The following PLAU variants were observed in gnomAD, a reference collection of about 807,000 sequenced individuals.
PLAU encodes the protein urokinase-type plasminogen activator.
Under a neutral mutation model 48.9 loss-of-function variants are expected in PLAU, and 32 were observed. The observed-to-expected ratio is 0.65, with a 90% confidence interval of 0.49 to 0.88. PLAU has a LOEUF of 0.88. PLAU is among the 40% of genes least tolerant of loss of function. The pLI is 0.00. For synonymous variants in PLAU, 199 were observed against 205.7 expected (o/e 0.97, Z 0.28); for missense variants, 455 against 545.2 (o/e 0.83, Z 1.65).
chr10:73,912,367 G>T, intron 4 of PLAU, 45 bp downstream of exon 4: 1 of 1,337,824 alleles, frequency 7.5e-7, no homozygotes, highest in South Asian at 1.2e-5. Flanking sequence ...TTGGGGACAG[G>T]GAGGGATGGG....
Position 73,915,362 on chromosome 10 carries a change from G to C in PLAU, c.1082G>C (p.Cys361Ser). Residue 361 changes from cysteine to serine, a missense_variant, in exon 10 of 11, where the codon TGT becomes TCT. By Grantham distance (112) the Cys-to-Ser change is moderately radical. Transcript: ENST00000372764. ...TCTGAAGTCACCACCAAAATGCTGTGTGCTGCTGACCCACAGTGGAAAACA... is the reference window on the plus strand; with the variant it reads ...TCTGAAGTCACCACCAAAATGCTGTCTGCTGCTGACCCACAGTGGAAAACA... The part of the protein sequence containing the change: ...YGSEVTTKML[C>S]AADPQWKTDS... 1 of 1,613,042 alleles carries C rather than the reference G, an allele frequency of 6.2e-7. No individual in the cohort carries two copies. The highest frequency in any genetic ancestry group is 8.5e-7 in the Non-Finnish European group (1 of 1,179,648).
In PLAU at chr10:73,915,236, G is replaced by C. The variant is rs1591618512; in HGVS notation, c.971-15G>C. ...TAAATCTTGATGCAAACGCCTCCCT[G>C]TTTTCTCCACCTAGCCGACTATCTC... On this transcript the variant is annotated splice_polypyrimidine_tract_variant and intron_variant, in intron 9 of 10. Coordinates refer to ENST00000372764, the MANE Select transcript of PLAU (RefSeq NM_002658.6). The C allele has an allele frequency of 6.2e-7, 1 of 1,605,604 alleles. No homozygotes were observed.
upstream of PLAU, chr10:73,909,248 A>C (rs924779688): frequency 5.9e-5 from 9 of 152,206 alleles, no homozygotes; most frequent in Non-Finnish European, 1.2e-4. Flanking sequence ...AACATGAATC[A>C]TGACGGTCCC....
In PLAU at chr10:73,915,165, G is replaced by A. The variant is rs2096133806; in HGVS notation, c.971-86G>A. ...AAGAGAATAAGGGCCTTCCCTGGTA[G>A]AGATACTTTATGGTTCCCCTCTCTG... On this transcript the variant is annotated intron_variant, in intron 9 of 10. Transcript: ENST00000372764. 4.3e-6 allele frequency: 6 copies of A among 1,384,438 alleles called. 1 individual carries two copies. The South Asian group carries it at 7.9e-5, about 18-fold the overall frequency. 85.8% of individuals were successfully genotyped at this position (1,384,438 alleles called of 1,614,324 possible).
chr10:73,913,879 T>C, intron 7 of PLAU, 101 bp from the exon 8 acceptor site: 1 of 1,397,458 alleles, frequency 7.2e-7, no homozygotes, highest in East Asian at 2.3e-5. Flanking sequence ...ATGCAGCCCA[T>C]GGCCTTGGGG....
chr10:73,912,268 A>G lies in PLAU; in HGVS notation c.139A>G (p.Asn47Asp). The stretch of plus-strand genomic sequence containing the variant: ...ATGTGTGTCCAACAAGTACTTCTCC[A>G]ACATTCACTGGTGCAACTGCCCAAA... ...GTCVSNKYFS[N>D]IHWCNCPKKF... is the part of the protein sequence containing the mutation. The change falls in exon 4 of 11, where the codon AAC becomes GAC. Residue 47 changes from asparagine to aspartate, a missense_variant. By Grantham distance (23) the Asn-to-Asp change is conservative. Coordinates refer to ENST00000372764, the MANE Select transcript of PLAU (RefSeq NM_002658.6). The G allele has an allele frequency of 6.2e-7, 1 of 1,614,128 alleles. No homozygotes were observed. The highest frequency in any genetic ancestry group is 8.5e-7 in the Non-Finnish European group (1 of 1,180,030).
chr10:73,912,229 C>A lies in PLAU; in HGVS notation c.100C>A (p.Leu34Ile). ...LHQVPSNCDCLNGGTCVSNKY... is the reference protein window; with the variant it reads ...LHQVPSNCDCINGGTCVSNKY... ...GTTCTCTCCAGCGAACTGTGACTGTCTAAATGGAGGAACATGTGTGTCCAA... is the reference window on the plus strand; with the variant it reads ...GTTCTCTCCAGCGAACTGTGACTGTATAAATGGAGGAACATGTGTGTCCAA... Residue 34 changes from leucine (L) to isoleucine (I), a missense_variant, in exon 4 of 11, where the codon CTA becomes ATA. By Grantham distance (5) the Leu-to-Ile change is conservative. Transcript: ENST00000372764. 2 of 1,614,170 alleles carry A rather than the reference C, an allele frequency of 1.2e-6. No homozygotes were observed. Among genetic ancestry groups the A allele is most frequent in the Non-Finnish European group, 8.5e-7 (1 of 1,180,038 alleles).
chr10:73,910,234 C>T (rs1407667140), upstream of PLAU: 2 of 152,212 alleles, frequency 1.3e-5, no homozygotes, highest in African/African-American at 4.8e-5. Context: ...TCCACACCCT[C>T]CAGAACCTCC....
chr10:73,914,107 C>T lies in PLAU; in HGVS notation c.808C>T (p.Leu270Phe). The part of the protein sequence containing the change: ...ILHKDYSADT[L>F]AHHNDIALLK... Reference sequence around the variant, plus strand: ...ACACAAGGACTACAGCGCTGACACGCTTGCTCACCACAACGACATTGGTGA... The same window carrying T: ...ACACAAGGACTACAGCGCTGACACGTTTGCTCACCACAACGACATTGGTGA... Residue 270 changes from leucine (L) to phenylalanine (F), a missense_variant, in exon 8 of 11, where the codon CTT becomes TTT. Physicochemically the swap from Leu to Phe is conservative, Grantham distance 22 (BLOSUM62 0). Transcript: ENST00000372764. The T allele has an allele frequency of 1.2e-6, 2 of 1,614,188 alleles. No homozygotes were observed. Among genetic ancestry groups the T allele is most frequent in the Non-Finnish European group, 1.7e-6 (2 of 1,180,024 alleles).
upstream of PLAU, chr10:73,909,240 C>T (rs977592943): frequency 6.6e-6 from 1 of 152,178 alleles, no homozygotes; most frequent in Non-Finnish European, 1.5e-5. Context: ...AGGGGAGCAA[C>T]ATGAATCATG....
chr10:73,913,363 G>T lies in PLAU; in HGVS notation c.442G>T (p.Val148Leu). The T allele has an allele frequency of 2.5e-6, 4 of 1,614,038 alleles. No homozygotes were observed. The highest frequency in any genetic ancestry group is 3.4e-6 in the Non-Finnish European group (4 of 1,179,904). Residue 148 changes from valine to leucine, a missense_variant, in exon 6 of 11, where the codon GTG (valine) becomes TTG (leucine). By Grantham distance (32) the Val-to-Leu change is conservative. Transcript: ENST00000372764. ...AAAGCTGCTTGTCCAAGAGTGCATG[G>T]TGCATGACTGCGCAGATGGTGAGCA... ...GLKLLVQECMVHDCADGKKPS... is the reference protein window; with the variant it reads ...GLKLLVQECMLHDCADGKKPS...
intron 4 of PLAU, 110 bp from the exon 5 acceptor site, chr10:73,912,814 G>T: frequency 1.3e-6 from 1 of 780,172 alleles, no homozygotes; most frequent in Non-Finnish European, 2.0e-6. Context: ...TCACACCACT[G>T]CACTCCAACT....
At chr10:73,911,334 G>A (rs2096123440) in intron 1 of PLAU, 116 bp downstream of exon 1, 3 of 642,312 alleles carry the variant, frequency 4.7e-6, no homozygotes, top group Admixed American at 2.8e-5. Flanking sequence ...GCGGCTGCAC[G>A]GAGTCAAGGC....
At chr10:73,913,812 C>A in intron 7 of PLAU, 54 bp downstream of exon 7, 1 of 1,448,414 alleles carries the variant, frequency 6.9e-7, no homozygotes, top group Non-Finnish European at 9.5e-7. Context: ...CAAGCACATC[C>A]CTTTCTCCTT....
rs1478820563 is a variant in PLAU at position 73,912,242 on chromosome 10, C to G, written c.113C>G (p.Thr38Arg). The G allele has an allele frequency of 1.9e-5, 30 of 1,614,032 alleles. No individual in the cohort carries two copies. The highest frequency in any genetic ancestry group is 2.5e-5 in the Non-Finnish European group (30 of 1,180,052). Reference protein sequence around the residue: ...PSNCDCLNGGTCVSNKYFSNI... With the variant: ...PSNCDCLNGGRCVSNKYFSNI... ...AACTGTGACTGTCTAAATGGAGGAA[C>G]ATGTGTGTCCAACAAGTACTTCTCC... The change falls in exon 4 of 11, where the codon ACA becomes AGA. Residue 38 changes from threonine to arginine, a missense_variant. Transcript: ENST00000372764.
rs2096139101 is a variant in PLAU, at chr10:73,917,269, A to T, written c.*704A>T. On this transcript the variant is annotated 3_prime_UTR_variant, in exon 11 of 11. Transcript: ENST00000372764. Reference sequence around the variant, plus strand: ...GGTCCCCCACGTGACAGTGCCTGGGAATGTATTATTCTGCAGCATGACCTG... The same window carrying T: ...GGTCCCCCACGTGACAGTGCCTGGGTATGTATTATTCTGCAGCATGACCTG... 6.6e-6 allele frequency: 1 copy of T among 152,460 alleles called. No individual in the cohort carries two copies. The highest frequency in any genetic ancestry group is 6.6e-5 in the Admixed American group (1 of 15,254). The allele number at this position is 152,460 out of a possible 1,614,324, so 9.4% of individuals were successfully genotyped here.
At position 73,913,329 on chromosome 10, in the gene PLAU, G is replaced by A. The variant is rs2096128886; in HGVS notation, c.408G>A (p.Gln136=). The change falls in exon 6 of 11, where the codon CAG becomes CAA. Residue 136 remains glutamine, a synonymous_variant. Transcript: ENST00000372764. ...GGAGGCGACCCTGGTGCTATGTGCA[G>A]GTGGGCCTAAAGCTGCTTGTCCAAG... ...DNRRRPWCYV[Q]VGLKLLVQEC... 1 of 1,614,194 alleles carries A rather than the reference G, an allele frequency of 6.2e-7. No individual in the cohort carries two copies. The highest frequency in any genetic ancestry group is 8.5e-7 in the Non-Finnish European group (1 of 1,180,030).
Position 73,917,125 on chromosome 10 carries a change from TGTGA to T in PLAU, c.*563_*566del, listed in dbSNP as rs2096138778. On this transcript the variant is annotated 3_prime_UTR_variant, in exon 11 of 11. Coordinates refer to ENST00000372764, the MANE Select transcript of PLAU (RefSeq NM_002658.6). Reference sequence around the variant, plus strand: ...CTTGTGTGTGGGCTGTGAGTGTAAGTGTGAGTAAGAGCTGGTGTCTGATTGTTAA... The same window carrying T: ...CTTGTGTGTGGGCTGTGAGTGTAAGTGTAAGAGCTGGTGTCTGATTGTTAA... 6.5e-6 allele frequency: 1 copy of T among 153,994 alleles called. No homozygotes were observed. Among genetic ancestry groups the T allele is most frequent in the South Asian group, 2.0e-4 (1 of 5,020 alleles). 9.5% of individuals were successfully genotyped at this position (153,994 alleles called of 1,614,324 possible).
At position 73,916,977 on chromosome 10, in the gene PLAU, T is replaced by C. The variant is rs2096138399; in HGVS notation, c.*412T>C. On this transcript the variant is annotated 3_prime_UTR_variant, in exon 11 of 11. Coordinates refer to ENST00000372764, the MANE Select transcript of PLAU (RefSeq NM_002658.6). ...AGGAAGTGTAACAGCTGAGGTCTCT[T>C]GAGGGAGCTTAGCCAATGTGGGAGC... 1 of 171,590 alleles carries C rather than the reference T, an allele frequency of 5.8e-6. No individual in the cohort carries two copies. Among genetic ancestry groups the C allele is most frequent in the Admixed American group, 5.5e-5 (1 of 18,058 alleles). The allele number at this position is 171,590 out of a possible 1,614,324, so 10.6% of individuals were successfully genotyped here.
Sources: gnomAD v4.1 joint callset for allele counts on GRCh38, gnomAD v4.1.1 for gene constraint, MANE v1.5 for transcripts, NCBI Gene and HGNC (gene_info 2026-07-23, HGNC 2026-07-21) for gene names.